Variants in GRIK2 observed in about 807,000 individuals in gnomAD.
GRIK2 encodes the protein glutamate receptor ionotropic, kainate 2.
A neutral mutation model predicts 100.3 loss-of-function variants in GRIK2; 32 were observed. That is an observed-to-expected ratio of 0.32 (90% CI 0.24 to 0.43). The LOEUF is 0.43. GRIK2 is among the 20% of genes least tolerant of loss of function. GRIK2 has a pLI of 1.00. For synonymous variants in GRIK2, 417 were observed against 389.4 expected (o/e 1.07, Z -0.83); for missense variants, 843 against 1,114.9 (o/e 0.76, Z 3.47).
chr6:101,516,693 A>C (rs1212123718), intron 2 of GRIK2, among the ~76,000 whole-genome samples: 1 of 152,142 alleles, frequency 6.6e-6, no homozygotes, highest in Non-Finnish European at 1.5e-5. Context: ...CCTATAATTT[A>C]TACACTGTTC....
chr6:101,583,683 A>T (rs1262706840), intron 2 of GRIK2, among the ~76,000 whole-genome samples: 1 of 152,148 alleles, frequency 6.6e-6, no homozygotes, highest in African/African-American at 2.4e-5. Context: ...ATTATTGCAA[A>T]GTAGCCCATT....
intron 4 of GRIK2, among the ~76,000 whole-genome samples, chr6:101,670,200 A>G (rs1748355961): frequency 6.6e-6 from 1 of 152,172 alleles, no homozygotes; most frequent in African/African-American, 2.4e-5. Context: ...AAGTAATATT[A>G]TTCCAGTCAT....
intron 4 of GRIK2, among the ~76,000 whole-genome samples, chr6:101,631,219 A>G (rs1360963666): frequency 1.3e-5 from 2 of 152,182 alleles, no homozygotes; most frequent in African/African-American, 4.8e-5. Context: ...TCATTTTGGA[A>G]CATATGATTC....
chr6:101,724,684 G>A (rs1169330285), intron 7 of GRIK2, among the ~76,000 whole-genome samples: 11 of 152,022 alleles, frequency 7.2e-5, no homozygotes, highest in Admixed American at 5.3e-4. Flanking sequence ...GGGTAGGTGA[G>A]GAGGCATTAA....
chr6:101,753,672 GAA>G (rs201664161), intron 7 of GRIK2, among the ~76,000 whole-genome samples: 7 of 151,066 alleles, frequency 4.6e-5, no homozygotes, highest in African/African-American at 1.7e-4. Flanking sequence ...GACAAAAAAA[GAA>G]AAAAAAGGAA....
chr6:101,849,670 A>C (rs1233193560), intron 10 of GRIK2, among the ~76,000 whole-genome samples: 1 of 152,048 alleles, frequency 6.6e-6, no homozygotes, highest in African/African-American at 2.4e-5. Flanking sequence ...AGAAAATAGA[A>C]GGAAATAAAT....
intron 9 of GRIK2, among the ~76,000 whole-genome samples, chr6:101,815,216 C>T (rs566512245): frequency 6.6e-6 from 1 of 152,050 alleles, no homozygotes; most frequent in Non-Finnish European, 1.5e-5. Context: ...ACAATATTAA[C>T]CATGATTGAC....
chr6:102,006,747 T>C (rs1178301971), intron 14 of GRIK2, among the ~76,000 whole-genome samples: 3 of 151,960 alleles, frequency 2.0e-5, no homozygotes, highest in Non-Finnish European at 4.4e-5. Context: ...TTTCATGGCA[T>C]GTTTATGGAA....
chr6:101,693,643 G>A (rs551971328), intron 7 of GRIK2, among the ~76,000 whole-genome samples: 8 of 152,020 alleles, frequency 5.3e-5, no homozygotes, highest in African/African-American at 1.9e-4. Context: ...TTAGAAAAGT[G>A]CCAATACAAA....
chr6:102,053,114 A>ACACACACT (rs71031105), intron 15 of GRIK2, among the ~76,000 whole-genome samples: 1 of 151,798 alleles, frequency 6.6e-6, no homozygotes, highest in African/African-American at 2.4e-5. Flanking sequence ...ACACACACAC[A>ACACACACT]TACATACACA....
Position 101,909,371 on chromosome 6 carries a change from G to GTTTTTTTTTTTTTTTTTTTTT in GRIK2, c.1749-15226_1749-15225insTTTTTTTTTTTTTTTTTTTTT, listed in dbSNP as rs370241149. Among the ~76,000 whole-genome samples, 5 of 83,530 alleles carry GTTTTTTTTTTTTTTTTTTTTT rather than the reference G, an allele frequency of 6.0e-5. 1 individual carries two copies. Among genetic ancestry groups the GTTTTTTTTTTTTTTTTTTTTT allele is most frequent in the Non-Finnish European group, 7.0e-5 (3 of 43,006 alleles). 54.8% of individuals were successfully genotyped at this position (83,530 alleles called of 152,430 possible). On this transcript the variant is annotated intron_variant, in intron 12 of 16. Coordinates refer to ENST00000369134, the MANE Select transcript of GRIK2 (RefSeq NM_021956.5). ...TTTTTGGATGCTGAAGGAAGATAGGGTTTTCTTTTTCTTTTTTTTTTTTTT... is the reference window on the plus strand; with the variant it reads ...TTTTTGGATGCTGAAGGAAGATAGGGTTTTTTTTTTTTTTTTTTTTTTTTTCTTTTTCTTTTTTTTTTTTTT...
chr6:101,411,053 A>G (rs1775864904), intron 2 of GRIK2, among the ~76,000 whole-genome samples: 2 of 151,970 alleles, frequency 1.3e-5, no homozygotes, highest in Admixed American at 1.3e-4. Context: ...ATATTTTTGA[A>G]TTTTTGCCTC....
intron 7 of GRIK2, among the ~76,000 whole-genome samples, chr6:101,761,904 T>A (rs1460945975): frequency 1.8e-5 from 2 of 112,732 alleles, no homozygotes; most frequent in African/African-American, 8.5e-5. Flanking sequence ...CTTCTTTTCT[T>A]TTCTTCCTTT....
In GRIK2 at chr6:101,928,531, G is replaced by A; in HGVS notation, c.1984G>A (p.Glu662Lys). Residue 662 changes from glutamate to lysine, a missense_variant, in exon 14 of 17, where the codon GAA becomes AAA. Glu to Lys is a moderately conservative substitution (Grantham distance 56, BLOSUM62 1). Coordinates refer to ENST00000369134, the MANE Select transcript of GRIK2 (RefSeq NM_021956.5). Reference protein sequence around the residue: ...TANLAAFLTVERMESPIDSAD... With the variant: ...TANLAAFLTVKRMESPIDSAD... ...TAACTTAGCCGCCTTTCTGACAGTG[G>A]AACGCATGGAATCCCCTATTGACTC... 1 of 1,603,706 alleles carries A rather than the reference G, an allele frequency of 6.2e-7. No homozygotes were observed. The highest frequency in any genetic ancestry group is 8.5e-7 in the Non-Finnish European group (1 of 1,170,642).
chr6:101,573,096 T>A (rs1777633666), intron 2 of GRIK2, among the ~76,000 whole-genome samples: 1 of 152,026 alleles, frequency 6.6e-6, no homozygotes, highest in South Asian at 2.1e-4. Flanking sequence ...TCCACCTTCC[T>A]CGGCCTCCCA....
intron 11 of GRIK2, among the ~76,000 whole-genome samples, chr6:101,879,100 C>T (rs1005248122): frequency 1.3e-5 from 2 of 151,900 alleles, no homozygotes; most frequent in East Asian, 1.9e-4. Context: ...AACTGCAGAC[C>T]GTCTCTCAAA....
At chr6:101,690,885 G>A (rs1772045453) in intron 7 of GRIK2, among the ~76,000 whole-genome samples, 1 of 152,128 alleles carries the variant, frequency 6.6e-6, no homozygotes, top group Non-Finnish European at 1.5e-5. Context: ...AATGTGCTGA[G>A]TCCTCCAGAT....
intron 7 of GRIK2, among the ~76,000 whole-genome samples, chr6:101,726,292 T>C (rs764024772): frequency 2.6e-5 from 4 of 152,054 alleles, no homozygotes; most frequent in Non-Finnish European, 4.4e-5. Flanking sequence ...AGTGCAAAGA[T>C]AGTGTCTGTT....
chr6:101,405,515 A>G (rs1196009553), intron 2 of GRIK2, among the ~76,000 whole-genome samples: 1 of 152,144 alleles, frequency 6.6e-6, no homozygotes, highest in Non-Finnish European at 1.5e-5. Context: ...TCATATAAAG[A>G]AAGCTTGTCA....
Sources: gnomAD v4.1 joint callset for allele counts (sites outside exome capture counted in the v4.1 genomes callset) on GRCh38, gnomAD v4.1.1 for gene constraint, MANE v1.5 for transcripts, NCBI Gene and HGNC (gene_info 2026-07-23, HGNC 2026-07-21) for gene names.